The following TMC1 variants were observed in gnomAD, a reference collection of about 807,000 sequenced individuals.
TMC1 encodes transmembrane channel like 1.
TMC1 carries 84 observed loss-of-function variants against 105.8 expected under a neutral mutation model. The ratio of observed to expected loss-of-function variants is 0.79; its 90% confidence interval spans 0.67 to 0.95. The LOEUF is 0.95. Ranked by LOEUF, TMC1 falls within the 40% of genes least tolerant of loss-of-function variation. TMC1 has a pLI of 0.00. For missense variants in TMC1, 817 were observed against 914.1 expected, an observed-to-expected ratio of 0.89 and a Z score of 1.37; for synonymous variants, 315 against 311.5, an observed-to-expected ratio of 1.01 and a Z score of -0.12.
In TMC1 at chr9:72,687,327, C is replaced by A. The variant is rs146306660; in HGVS notation, c.17-1382C>A. Among the ~76,000 whole-genome samples the A allele has an allele frequency of 1.4e-3, 212 of 152,258 alleles. 1 individual carries two copies. The highest frequency in any genetic ancestry group is 4.7e-3 in the African/African-American group (196 of 41,562). On this transcript the variant is annotated intron_variant, in intron 5 of 23. Transcript: ENST00000297784. ...ATGTTAATCTTATATCATTAAAATT[C>A]TTTCCTAGAGAATCCTTCTTTGACT...
chr9:72,708,522 T>C (rs1277103596), intron 8 of TMC1, among the ~76,000 whole-genome samples: 1 of 151,204 alleles, frequency 6.6e-6, no homozygotes, highest in East Asian at 2.0e-4. Flanking sequence ...TTTTTTTTCC[T>C]GTGGCTATTG....
chr9:72,622,160 T>C (rs1825263505), intron 3 of TMC1, among the ~76,000 whole-genome samples: 1 of 152,166 alleles, frequency 6.6e-6, no homozygotes, highest in African/African-American at 2.4e-5. Context: ...CATCTTTCCC[T>C]ACCAGCAGCG....
chr9:72,771,957 A>G (rs1402682463), intron 12 of TMC1, among the ~76,000 whole-genome samples: 1 of 152,188 alleles, frequency 6.6e-6, no homozygotes, highest in Non-Finnish European at 1.5e-5. Flanking sequence ...GAGAGCTGAG[A>G]CATAACCTCT....
intron 1 of TMC1, among the ~76,000 whole-genome samples, chr9:72,535,923 A>G (rs1823574485): frequency 6.6e-6 from 1 of 152,192 alleles, no homozygotes. Context: ...TTATTCGTGA[A>G]TGATTCTCCC....
chr9:72,775,778 G>T (rs1009923868), intron 13 of TMC1, among the ~76,000 whole-genome samples: 1 of 152,198 alleles, frequency 6.6e-6, no homozygotes, highest in Non-Finnish European at 1.5e-5. Context: ...TCTGCATCAA[G>T]TGAGTGATTC....
At chr9:72,831,151 C>T (rs1225549552) in intron 23 of TMC1, among the ~76,000 whole-genome samples, 3 of 152,094 alleles carry the variant, frequency 2.0e-5, no homozygotes, top group African/African-American at 7.2e-5. Flanking sequence ...TTAAAAACCT[C>T]TTTATTTTTT....
At chr9:72,754,764 C>T (rs1224436022) in intron 11 of TMC1, 22 bp from the exon 12 acceptor site, 1 of 1,575,270 alleles carries the variant, frequency 6.3e-7, no homozygotes, top group East Asian at 2.2e-5. Context: ...TTGTTCACTG[C>T]TTTCTTTGCT....
At chr9:72,786,136 A>G (rs2118169907) in intron 13 of TMC1, among the ~76,000 whole-genome samples, 1 of 152,338 alleles carries the variant, frequency 6.6e-6, no homozygotes, top group South Asian at 2.1e-4. Context: ...TGTCCAAGTC[A>G]AGAAATTCAG....
intron 1 of TMC1, among the ~76,000 whole-genome samples, chr9:72,567,179 C>G (rs1779325990): frequency 6.6e-6 from 1 of 152,216 alleles, no homozygotes; most frequent in Non-Finnish European, 1.5e-5. Flanking sequence ...TTTCCTGACT[C>G]CTCGTTCCAA....
At chr9:72,652,218 A>G (rs1825824593) in intron 5 of TMC1, among the ~76,000 whole-genome samples, 1 of 152,184 alleles carries the variant, frequency 6.6e-6, no homozygotes, top group South Asian at 2.1e-4. Flanking sequence ...GTAGAAGGTA[A>G]TTCTAATAAA....
intron 12 of TMC1, among the ~76,000 whole-genome samples, chr9:72,770,092 G>A (rs539510928): frequency 6.6e-6 from 1 of 152,200 alleles, no homozygotes; most frequent in East Asian, 1.9e-4. Context: ...CTCCTGGGAT[G>A]AAGATTTCTG....
chr9:72,751,724 A>G (rs1187644346), intron 10 of TMC1, 126 bp from the exon 11 acceptor site: 5 of 708,480 alleles, frequency 7.1e-6, no homozygotes, highest in East Asian at 2.5e-5. Context: ...GCTATAGCCT[A>G]TAAATATAAA....
chr9:72,817,684 A>G lies in TMC1; in HGVS notation c.1763+1474A>G, dbSNP rs547378340. The stretch of plus-strand genomic sequence containing the variant: ...CAGATTGGTCTAGAAATTTGTTTTT[A>G]TTGTCAGAAAAGCTGTTATAATGGC... On this transcript the variant is annotated intron_variant, in intron 19 of 23. Coordinates refer to ENST00000297784, the MANE Select transcript of TMC1 (RefSeq NM_138691.3). Among the ~76,000 whole-genome samples, 10 of 152,268 alleles carry G rather than the reference A, an allele frequency of 6.6e-5. No homozygotes were observed. In the East Asian group the frequency reaches 1.9e-3, roughly 29 times the overall value.
chr9:72,818,560 C>T (rs1287567538), intron 19 of TMC1: 1 of 152,170 alleles, frequency 6.6e-6, no homozygotes, highest in East Asian at 1.9e-4. Context: ...AGGTTTATCA[C>T]CTTTTTTTCT....
chr9:72,725,359 ATATATATATG>A (rs1453353257), intron 8 of TMC1, among the ~76,000 whole-genome samples: 4 of 83,390 alleles, frequency 4.8e-5, no homozygotes, highest in African/African-American at 1.5e-4. Context: ...ATATATATAT[ATATATATATG>A]TATATACACA....
At chr9:72,746,622 A>T (rs1827493990) in intron 10 of TMC1, among the ~76,000 whole-genome samples, 2 of 152,294 alleles carry the variant, frequency 1.3e-5, no homozygotes, top group South Asian at 4.1e-4. Context: ...AGTTTTCCCA[A>T]AGCTCTGTCC....
At chr9:72,544,983 A>G (rs1278330871) in intron 1 of TMC1, among the ~76,000 whole-genome samples, 5 of 152,030 alleles carry the variant, frequency 3.3e-5, no homozygotes, top group East Asian at 1.9e-4. Flanking sequence ...TATCATTCTT[A>G]TGCCTTTGCA....
rs747186037 is a variant in TMC1, at chr9:72,805,467, G to A, written c.1652G>A (p.Arg551Lys). Residue 551 changes from arginine to lysine, a missense_variant, in exon 18 of 24, where the codon AGG (arginine) becomes AAG (lysine). Transcript: ENST00000297784. The stretch of plus-strand genomic sequence containing the variant: ...GACTTTCTAAGGGCATGTTTTGTGA[G>A]GTTTTGCAATTATTGCTGGTGCTGG... ...IGDFLRACFV[R>K]FCNYCWCWDL... is the part of the protein sequence containing the mutation. 1.2e-6 allele frequency: 2 copies of A among 1,613,342 alleles called. No homozygotes were observed. The highest frequency in any genetic ancestry group is 1.7e-6 in the Non-Finnish European group (2 of 1,179,864).
At chr9:72,715,727 TTTG>T (rs143195204) in intron 8 of TMC1, among the ~76,000 whole-genome samples, 34,466 of 151,668 alleles carry the variant, frequency 0.23, 4,210 homozygotes, top group East Asian at 0.38. Context: ...CTCGGAGGAG[TTTG>T]TTATTACCCA....
Sources: gnomAD v4.1 joint callset for allele counts (sites outside exome capture counted in the v4.1 genomes callset) on GRCh38, gnomAD v4.1.1 for gene constraint, MANE v1.5 for transcripts, NCBI Gene and HGNC (gene_info 2026-07-23, HGNC 2026-07-21) for gene names.